Variants in POLA1 observed in about 807,000 individuals in gnomAD.
The protein encoded by POLA1 is DNA polymerase alpha catalytic subunit.
A neutral mutation model predicts 124.0 loss-of-function variants in POLA1; 15 were observed. That is an observed-to-expected ratio of 0.12 (90% CI 0.08 to 0.19). The LOEUF is 0.19. POLA1 is among the 10% of genes least tolerant of loss of function. POLA1 has a pLI of 1.00. For missense variants in POLA1, 886 were observed against 1,103.4 expected, an observed-to-expected ratio of 0.80 and a Z score of 2.79; for synonymous variants, 408 against 389.4, an observed-to-expected ratio of 1.05 and a Z score of -0.56.
At position 24,758,258 on chromosome X, in the gene POLA1, TTA is replaced by T. The variant is rs769019151; in HGVS notation, c.2964+9273_2964+9274del. 5.1e-3 allele frequency among the ~76,000 whole-genome samples: 571 copies of T among 111,457 alleles called. 2 individuals are homozygous for T. Among genetic ancestry groups the T allele is most frequent in the African/African-American group, 0.017 (528 of 30,731 alleles). Reference sequence around the variant, plus strand: ...ATATGGTAAGCATATAATATATATGTTATATATAATCTATTATAACAGTGTTG... The same window carrying T: ...ATATGGTAAGCATATAATATATATGTTATATAATCTATTATAACAGTGTTG... On this transcript the variant is annotated intron_variant, in intron 26 of 36. Coordinates refer to ENST00000379068, the MANE Select transcript of POLA1 (RefSeq NM_001330360.2).
At chrX:24,893,292 T>G (rs956561195) in intron 35 of POLA1, among the ~76,000 whole-genome samples, 1 of 112,249 alleles carries the variant, frequency 8.9e-6, no homozygotes, top group African/African-American at 3.2e-5. Context: ...TTTGGAGCTC[T>G]CCTTTGTTAT....
At chrX:24,862,975 C>T (rs1449528921) in intron 34 of POLA1, among the ~76,000 whole-genome samples, 1 of 111,959 alleles carries the variant, frequency 8.9e-6, no homozygotes, top group Non-Finnish European at 1.9e-5. Context: ...GGAAAACATT[C>T]ACATTTTCCT....
intron 36 of POLA1, among the ~76,000 whole-genome samples, chrX:24,950,565 G>T (rs752590407): frequency 1.8e-5 from 2 of 111,894 alleles, no homozygotes; most frequent in Non-Finnish European, 3.8e-5. Context: ...GCAAACATCT[G>T]TTCCACCAGT....
At chrX:24,750,596 T>C (rs1317356737) in intron 26 of POLA1, among the ~76,000 whole-genome samples, 1 of 112,359 alleles carries the variant, frequency 8.9e-6, no homozygotes, top group Non-Finnish European at 1.9e-5. Flanking sequence ...AAAACATGTA[T>C]TGAACGCCAG....
intron 15 of POLA1, among the ~76,000 whole-genome samples, chrX:24,730,600 A>G (rs1602295087): frequency 8.9e-6 from 1 of 112,215 alleles, no homozygotes; most frequent in East Asian, 2.8e-4. Flanking sequence ...GATTCAGGGA[A>G]GGAAATGTCC....
intron 35 of POLA1, among the ~76,000 whole-genome samples, chrX:24,898,689 A>T (rs1484735851): frequency 1.8e-5 from 2 of 112,126 alleles, no homozygotes; most frequent in Non-Finnish European, 3.8e-5. Context: ...CATTAAAATT[A>T]ACTAAAATTG....
At chrX:24,699,023 T>C (rs1038834171) in intron 1 of POLA1, among the ~76,000 whole-genome samples, 1 of 112,015 alleles carries the variant, frequency 8.9e-6, no homozygotes, top group African/African-American at 3.2e-5. Context: ...TAGATATTGA[T>C]TGACAGATTG....
At chrX:24,904,812 G>A (rs932010046) in intron 35 of POLA1, among the ~76,000 whole-genome samples, 2 of 111,218 alleles carry the variant, frequency 1.8e-5, no homozygotes, top group Admixed American at 9.5e-5. Context: ...ATCACTCGAG[G>A]TCAGGAGTTC....
chrX:24,790,905 G>GTATATATA (rs1224793451), intron 26 of POLA1, among the ~76,000 whole-genome samples: 11 of 63,554 alleles, frequency 1.7e-4, no homozygotes, highest in African/African-American at 6.7e-4. Context: ...ATTTATTTAT[G>GTATATATA]TATATGTATA....
At chrX:24,745,316 G>A (rs2148399773) in intron 23 of POLA1, 102 bp from the exon 24 acceptor site, 2 of 512,561 alleles carry the variant, frequency 3.9e-6, no homozygotes, top group East Asian at 7.0e-5. Context: ...AGTGTATATG[G>A]ATAGTATATA....
At position 24,694,015 on chromosome X, in the gene POLA1, A is replaced by G. The variant is rs372212135; in HGVS notation, c.43+11A>G. On this transcript the variant is annotated intron_variant, in intron 1 of 36. Transcript: ENST00000379068. The stretch of plus-strand genomic sequence containing the variant: ...AGATAGGGGCGAGTGGTGAGGGACA[A>G]TTCCGCGCGCGGGGCTCCGGGTTGG... 2.5e-4 allele frequency: 292 copies of G among 1,174,058 alleles called. No individual in the cohort carries two copies. Among genetic ancestry groups the G allele is most frequent in the Non-Finnish European group, 3.1e-4 (267 of 875,055 alleles).
At chrX:24,788,715 T>G in intron 26 of POLA1, 1 of 1,205,459 alleles carries the variant, frequency 8.3e-7, no homozygotes, top group Non-Finnish European at 1.1e-6. Context: ...CGTTCTTCCC[T>G]TAGCCTCTTT....
intron 23 of POLA1, among the ~76,000 whole-genome samples, chrX:24,743,735 CTGTT>C (rs1262394476): frequency 8.9e-6 from 1 of 111,811 alleles, no homozygotes; most frequent in Non-Finnish European, 1.9e-5. Context: ...ACATAGATAG[CTGTT>C]TGTCCTGACC....
intron 26 of POLA1, among the ~76,000 whole-genome samples, chrX:24,767,748 G>A (rs1932941485): frequency 8.9e-6 from 1 of 111,793 alleles, no homozygotes; most frequent in African/African-American, 3.2e-5. Flanking sequence ...TCATTTCTTA[G>A]TATCCTGCCT....
At chrX:24,887,503 C>T (rs752318861) in intron 34 of POLA1, among the ~76,000 whole-genome samples, 25 of 112,263 alleles carry the variant, frequency 2.2e-4, no homozygotes, top group Non-Finnish European at 3.0e-4. Context: ...ATCCTAGACA[C>T]TCTAAATGTG....
At position 24,946,558 on chromosome X, in the gene POLA1, A is replaced by C. The variant is rs759038145; in HGVS notation, c.4261+16009A>C. Among the ~76,000 whole-genome samples the C allele has an allele frequency of 2.6e-3, 292 of 112,053 alleles. 2 individuals are homozygous for C. Among genetic ancestry groups the C allele is most frequent in the Non-Finnish European group, 4.0e-3 (215 of 53,200 alleles). On this transcript the variant is annotated intron_variant, in intron 36 of 36. Transcript: ENST00000379068. Reference sequence around the variant, plus strand: ...AGCAGGCCTTGACTCCACTATGGCCACATCCTTTGGCTGGTGTGGTTTCCC... The same window carrying C: ...AGCAGGCCTTGACTCCACTATGGCCCCATCCTTTGGCTGGTGTGGTTTCCC...
At chrX:24,928,393 C>T (rs746729931) in intron 35 of POLA1, among the ~76,000 whole-genome samples, 82 of 111,900 alleles carry the variant, frequency 7.3e-4, no homozygotes, top group Middle Eastern at 4.6e-3. Flanking sequence ...ATTGACCCAG[C>T]GCTTATTATG....
intron 36 of POLA1, among the ~76,000 whole-genome samples, chrX:24,942,611 T>C (rs945259022): frequency 8.9e-6 from 1 of 112,390 alleles, no homozygotes; most frequent in Non-Finnish European, 1.9e-5. Flanking sequence ...TGCATCATGA[T>C]TTGAAAGCAT....
chrX:24,908,797 G>A (rs1452788033), intron 35 of POLA1, among the ~76,000 whole-genome samples: 1 of 111,527 alleles, frequency 9.0e-6, no homozygotes, highest in Non-Finnish European at 1.9e-5. Flanking sequence ...CTAGATCCCT[G>A]AGGAATCGCC....
Sources: allele counts gnomAD v4.1 joint callset (sites outside exome capture counted in the v4.1 genomes callset), GRCh38; gene constraint gnomAD v4.1.1; transcripts MANE v1.5; gene names NCBI Gene and HGNC (gene_info 2026-07-23, HGNC 2026-07-21).